ZMYND8: variants seen among roughly 807,000 people sequenced by gnomAD.
The protein encoded by ZMYND8 is zinc finger MYND-type containing 8.
In ZMYND8, 37 loss-of-function variants were observed where a neutral mutation model predicts 140.8. The ratio of observed to expected loss-of-function variants is 0.26; its 90% CI spans 0.20 to 0.35. The LOEUF (loss-of-function observed/expected upper bound fraction) is 0.35. ZMYND8 is among the 10% of genes least tolerant of loss of function. The pLI is 1.00. For synonymous variants in ZMYND8, 592 were observed against 597.1 expected (o/e 0.99, Z 0.12); for missense variants, 1,068 against 1,570.0 (o/e 0.68, Z 5.40).
At chr20:47,259,230 G>C (rs189621336) in intron 12 of ZMYND8, among the ~76,000 whole-genome samples, 2 of 152,310 alleles carry the variant, frequency 1.3e-5, no homozygotes, top group Non-Finnish European at 2.9e-5. Context: ...AGGAGGGTGT[G>C]AGAAAGCAAA....
At chr20:47,346,972 C>T (rs6066279) in intron 2 of ZMYND8, among the ~76,000 whole-genome samples, 8 of 152,160 alleles carry the variant, frequency 5.3e-5, no homozygotes, top group South Asian at 2.1e-4. Context: ...TCACTTTGTG[C>T]GACACTCTGC....
Position 47,298,618 on chromosome 20 carries a change from GA to G in ZMYND8, c.453+110del. On this transcript the variant is annotated intron_variant, in intron 4 of 22. Coordinates refer to ENST00000471951, the MANE Select transcript of ZMYND8 (RefSeq NM_001281775.3). This position sits in a 1 kb window ranked among gnomAD's most constrained non-coding sequence, Gnocchi z 5.0. The stretch of plus-strand genomic sequence containing the variant: ...CCAGGATAGAACAGGTGGAAAGCAA[GA>G]AATTTCTCTTTTCCATCTATCTGGA... 6.6e-7 allele frequency: 1 copy of G among 1,512,958 alleles called. No homozygotes were observed. Among genetic ancestry groups the G allele is most frequent in the Non-Finnish European group, 8.9e-7 (1 of 1,129,044 alleles). 93.7% of individuals were successfully genotyped at this position (1,512,958 alleles called of 1,614,324 possible). A position where few individuals can be genotyped will look rare whatever the true frequency, so the allele number is the denominator to read the frequency against.
At chr20:47,341,040 G>A (rs538598452) in intron 2 of ZMYND8, among the ~76,000 whole-genome samples, 25 of 152,248 alleles carry the variant, frequency 1.6e-4, no homozygotes, top group Admixed American at 5.2e-4. Context: ...GTAAACAAAC[G>A]GTGGACAGTA....
At chr20:47,323,427 G>T (rs1159621845) in intron 2 of ZMYND8, among the ~76,000 whole-genome samples, 3 of 151,698 alleles carry the variant, frequency 2.0e-5, no homozygotes, top group African/African-American at 7.3e-5. Flanking sequence ...TTTTCGTAGC[G>T]ATGGGATCTC....
At chr20:47,222,624 G>A (rs1461205007) in intron 19 of ZMYND8, among the ~76,000 whole-genome samples, 3 of 152,160 alleles carry the variant, frequency 2.0e-5, no homozygotes, top group Non-Finnish European at 2.9e-5. Flanking sequence ...GAAAGCCGAA[G>A]GACATTTTGG....
At chr20:47,284,821 C>T (rs1172840644) in intron 8 of ZMYND8, among the ~76,000 whole-genome samples, 1 of 152,070 alleles carries the variant, frequency 6.6e-6, no homozygotes, top group Non-Finnish European at 1.5e-5. Context: ...GATCTCAAGT[C>T]AGACTCCACC....
intron 10 of ZMYND8, among the ~76,000 whole-genome samples, chr20:47,281,675 T>G (rs1468275861): frequency 6.6e-6 from 1 of 152,188 alleles, no homozygotes; most frequent in Non-Finnish European, 1.5e-5. Flanking sequence ...AGGAGAGAAC[T>G]ACTCAGCATG....
chr20:47,231,468 C>T (rs113799142), intron 16 of ZMYND8, among the ~76,000 whole-genome samples: 3 of 152,292 alleles, frequency 2.0e-5, no homozygotes, highest in African/African-American at 7.2e-5. Flanking sequence ...AAAAAAACCA[C>T]GCAAACACTG....
intron 2 of ZMYND8, among the ~76,000 whole-genome samples, chr20:47,343,731 A>G (rs1328123145): frequency 2.6e-5 from 4 of 152,172 alleles, no homozygotes; most frequent in African/African-American, 7.2e-5. Context: ...TCCTGGCCTC[A>G]AGTGATCTGC....
intron 8 of ZMYND8, among the ~76,000 whole-genome samples, chr20:47,283,928 ATT>A (rs879846562): frequency 1.4e-5 from 2 of 139,998 alleles, no homozygotes; most frequent in Admixed American, 7.1e-5. Flanking sequence ...CACAGCCACC[ATT>A]TTTTTTTTTT....
intron 11 of ZMYND8, among the ~76,000 whole-genome samples, chr20:47,264,178 G>A (rs1023570331): frequency 2.0e-5 from 3 of 152,212 alleles, no homozygotes; most frequent in African/African-American, 4.8e-5. Flanking sequence ...CCTCATCCGG[G>A]AATGATAAGG....
intron 3 of ZMYND8, among the ~76,000 whole-genome samples, chr20:47,309,743 T>A (rs1219650806): frequency 6.7e-6 from 1 of 149,854 alleles, no homozygotes. Flanking sequence ...TCAGGCCACA[T>A]GGGGAAAACA....
chr20:47,310,306 T>C (rs2078825023), intron 2 of ZMYND8, 102 bp from the exon 3 acceptor site: 2 of 1,415,120 alleles, frequency 1.4e-6, no homozygotes, highest in Non-Finnish European at 1.9e-6. Context: ...GAGTGCATTC[T>C]GTCCCCCAAC....
At chr20:47,299,751 T>C (rs2077886044) in intron 3 of ZMYND8, among the ~76,000 whole-genome samples, 1 of 152,042 alleles carries the variant, frequency 6.6e-6, no homozygotes, top group African/African-American at 2.4e-5. Context: ...GCCCGGCTAA[T>C]TTTCGTATTT....
chr20:47,230,986 A>G (rs2038402216), intron 16 of ZMYND8, among the ~76,000 whole-genome samples: 1 of 151,960 alleles, frequency 6.6e-6, no homozygotes, highest in African/African-American at 2.4e-5. Flanking sequence ...TGCAGCAGGC[A>G]GCGGAACTTC....
chr20:47,247,882 CAGA>C lies in ZMYND8; in HGVS notation c.1775-1368_1775-1366del, dbSNP rs57292965. The stretch of plus-strand genomic sequence containing the variant: ...GTCCCAGCTACTCAGGAGGCTGAGG[CAGA>C]AGAACTGCTTGAACCCAGGAGTTCA... On this transcript the variant is annotated intron_variant, in intron 13 of 22. Coordinates refer to ENST00000471951, the MANE Select transcript of ZMYND8 (RefSeq NM_001281775.3). Among the ~76,000 whole-genome samples the C allele has an allele frequency of 2.1e-3, 324 of 152,290 alleles. 1 individual carries two copies. Among genetic ancestry groups the C allele is most frequent in the African/African-American group, 7.6e-3 (315 of 41,548 alleles).
chr20:47,289,934 T>C (rs143611831), intron 7 of ZMYND8, among the ~76,000 whole-genome samples: 2 of 152,342 alleles, frequency 1.3e-5, no homozygotes, highest in African/African-American at 4.8e-5. Context: ...TTTTATGCAA[T>C]TATACTTCCA....
At chr20:47,323,091 A>G (rs2080109229) in intron 2 of ZMYND8, among the ~76,000 whole-genome samples, 1 of 152,172 alleles carries the variant, frequency 6.6e-6, no homozygotes, top group Non-Finnish European at 1.5e-5. Context: ...AAGGGTTGTG[A>G]GGATTAAATA....
chr20:47,278,886 T>A (rs2076422099), intron 10 of ZMYND8, among the ~76,000 whole-genome samples: 1 of 152,016 alleles, frequency 6.6e-6, no homozygotes, highest in Non-Finnish European at 1.5e-5. Flanking sequence ...TGAGAAGGCA[T>A]CAGGGTCTCC....
Sources: gnomAD v4.1 joint callset for allele counts (sites outside exome capture counted in the v4.1 genomes callset) on GRCh38, gnomAD v4.1.1 for gene constraint, Gnocchi (gnomAD v3.1) non-coding constraint, MANE v1.5 for transcripts, NCBI Gene and HGNC (gene_info 2026-07-23, HGNC 2026-07-21) for gene names.